Variants in DPY19L4 observed in about 807,000 individuals in gnomAD.
The protein encoded by DPY19L4 is probable C-mannosyltransferase DPY19L4.
A neutral mutation model predicts 102.8 loss-of-function variants in DPY19L4; 97 were observed. The ratio of observed to expected loss-of-function variants is 0.94; its 90% confidence interval spans 0.80 to 1.12. The LOEUF is 1.12. Ranked by LOEUF, DPY19L4 falls within the 50% of genes most tolerant of loss-of-function variation. The pLI is 0.00. For synonymous variants in DPY19L4, 252 were observed against 283.1 expected, an observed-to-expected ratio of 0.89 and a Z score of 1.10; for missense variants, 815 against 850.4, an observed-to-expected ratio of 0.96 and a Z score of 0.52.
At chr8:94,788,480 A>G (rs1387581949) in intron 18 of DPY19L4, among the ~76,000 whole-genome samples, 1 of 152,226 alleles carries the variant, frequency 6.6e-6, no homozygotes, top group Non-Finnish European at 1.5e-5. Flanking sequence ...TGCATGCTAA[A>G]TTAACACAGT....
chr8:94,758,279 T>C (rs1369970088), intron 7 of DPY19L4, among the ~76,000 whole-genome samples: 1 of 152,136 alleles, frequency 6.6e-6, no homozygotes, highest in Non-Finnish European at 1.5e-5. Context: ...CCCAGTAATA[T>C]CTTGCATGAC....
At chr8:94,766,588 T>A in intron 10 of DPY19L4, 24 bp from the exon 11 acceptor site, 1 of 1,607,920 alleles carries the variant, frequency 6.2e-7, no homozygotes, top group South Asian at 1.1e-5. Context: ...ATTTCTTTGT[T>A]TAACTGGTGT....
intron 2 of DPY19L4, among the ~76,000 whole-genome samples, chr8:94,728,720 G>A (rs533432914): frequency 1.6e-4 from 25 of 152,276 alleles, no homozygotes; most frequent in African/African-American, 5.5e-4. Context: ...ATCATTTTAG[G>A]TAATGAGATT....
intron 1 of DPY19L4, among the ~76,000 whole-genome samples, chr8:94,724,908 A>G (rs774977294): frequency 2.8e-4 from 43 of 152,094 alleles, no homozygotes; most frequent in Admixed American, 7.9e-4. Flanking sequence ...ATTTTAAAAT[A>G]TTTTCATTGA....
rs751462174 is a variant in DPY19L4 at position 94,789,811 on chromosome 8, A to T, written c.2073A>T (p.Lys691Asn). The change falls in exon 19 of 19, where the codon AAA (lysine) becomes AAT (asparagine). Residue 691 changes from lysine to asparagine, a missense_variant. Lys to Asn is a moderately conservative substitution (Grantham distance 94). Coordinates refer to ENST00000414645, the MANE Select transcript of DPY19L4 (RefSeq NM_181787.3). ...SKYGRFCHEV[K>N]INYSPYVNYF... is the part of the protein sequence containing the mutation. ...ATGGGCGATTTTGTCATGAGGTCAAAATTAACTATTCTCCATATGTGAATT... is the reference window on the plus strand; with the variant it reads ...ATGGGCGATTTTGTCATGAGGTCAATATTAACTATTCTCCATATGTGAATT... The T allele has an allele frequency of 1.2e-6, 2 of 1,612,304 alleles. No individual in the cohort carries two copies. Among genetic ancestry groups the T allele is most frequent in the Non-Finnish European group, 1.7e-6 (2 of 1,179,210 alleles).
chr8:94,721,055 T>G (rs1810437629), intron 1 of DPY19L4, among the ~76,000 whole-genome samples: 1 of 152,158 alleles, frequency 6.6e-6, no homozygotes, highest in Non-Finnish European at 1.5e-5. Flanking sequence ...CAAGCGATTC[T>G]CCTGCCTCAG....
chr8:94,742,315 G>A (rs1307648465), intron 6 of DPY19L4, among the ~76,000 whole-genome samples: 4 of 152,022 alleles, frequency 2.6e-5, no homozygotes, highest in East Asian at 1.9e-4. Flanking sequence ...CTGAGATCTC[G>A]CCACTGCACT....
At chr8:94,781,987 G>T (rs1485996055) in intron 16 of DPY19L4, among the ~76,000 whole-genome samples, 1 of 152,130 alleles carries the variant, frequency 6.6e-6, no homozygotes. Context: ...TTTCATAAAG[G>T]TAAGCTCTGA....
intron 14 of DPY19L4, among the ~76,000 whole-genome samples, chr8:94,779,127 G>A (rs1813315468): frequency 6.6e-6 from 1 of 151,558 alleles, no homozygotes; most frequent in Non-Finnish European, 1.5e-5. Context: ...AGAAGTAATT[G>A]AAGCTTCAAT....
chr8:94,785,014 C>T (rs1288693797), intron 17 of DPY19L4, among the ~76,000 whole-genome samples: 1 of 152,084 alleles, frequency 6.6e-6, no homozygotes, highest in South Asian at 2.1e-4. Flanking sequence ...TAGATAATTT[C>T]ATAGAGTTTT....
intron 1 of DPY19L4, among the ~76,000 whole-genome samples, chr8:94,723,163 C>G (rs953146185): frequency 1.3e-5 from 2 of 152,072 alleles, no homozygotes; most frequent in African/African-American, 2.4e-5. Flanking sequence ...CTTTACAATG[C>G]TAAAAATATC....
intron 7 of DPY19L4, 95 bp from the exon 8 acceptor site, chr8:94,761,605 C>T (rs993628850): frequency 1.3e-5 from 14 of 1,083,694 alleles, no homozygotes; most frequent in Middle Eastern, 3.3e-4. Flanking sequence ...TAAAGTTGAA[C>T]GAGTAACAGA....
intron 3 of DPY19L4, among the ~76,000 whole-genome samples, chr8:94,737,160 C>G (rs1811220895): frequency 6.6e-6 from 1 of 152,066 alleles, no homozygotes; most frequent in African/African-American, 2.4e-5. Context: ...AGGAGGGAGA[C>G]AGAAGATTGA....
rs116689498 is a variant in DPY19L4, at chr8:94,786,790, C to T, written c.1849-1104C>T. On this transcript the variant is annotated intron_variant, in intron 17 of 18. Coordinates refer to ENST00000414645, the MANE Select transcript of DPY19L4 (RefSeq NM_181787.3). ...CTCAAACTCCTGATCTCAAGTGATC[C>T]GCCTCCCTGGGTCTCCCAAAGTGCT... Among the ~76,000 whole-genome samples, 1,279 of 152,210 alleles carry T rather than the reference C, an allele frequency of 8.4e-3. 20 individuals carry two copies. The highest frequency in any genetic ancestry group is 0.029 in the African/African-American group (1,197 of 41,520).
intron 14 of DPY19L4, among the ~76,000 whole-genome samples, chr8:94,778,873 G>C (rs1457804676): frequency 6.6e-6 from 1 of 152,138 alleles, no homozygotes; most frequent in African/African-American, 2.4e-5. Context: ...TAAAGTGTGA[G>C]GTAGGTAGGG....
intron 6 of DPY19L4, among the ~76,000 whole-genome samples, chr8:94,755,042 C>G (rs539466654): frequency 6.6e-6 from 1 of 152,280 alleles, no homozygotes; most frequent in South Asian, 2.1e-4. Flanking sequence ...CCTGCCTCAG[C>G]CTCCCAAATT....
chr8:94,785,020 G>A (rs1813597441), intron 17 of DPY19L4, among the ~76,000 whole-genome samples: 1 of 152,176 alleles, frequency 6.6e-6, no homozygotes, highest in Non-Finnish European at 1.5e-5. Flanking sequence ...ATTTCATAGA[G>A]TTTTTAAGCA....
Position 94,781,181 on chromosome 8 carries a change from G to T in DPY19L4, c.1715+15G>T. On this transcript the variant is annotated intron_variant, in intron 16 of 18. Transcript: ENST00000414645. ...ACCTGGATAAAGTAAGGATTGAAGT[G>T]CCCAAGACTATTATTAAGCTATTAA... The T allele has an allele frequency of 6.5e-7, 1 of 1,549,024 alleles. No individual in the cohort carries two copies. Among genetic ancestry groups the T allele is most frequent in the Non-Finnish European group, 8.7e-7 (1 of 1,150,732 alleles).
intron 11 of DPY19L4, 58 bp from the exon 12 acceptor site, chr8:94,768,337 T>G: frequency 7.2e-7 from 1 of 1,390,552 alleles, no homozygotes; most frequent in African/African-American, 1.5e-5. Flanking sequence ...AAAAAAATAC[T>G]TCTGTGTTCA....
Sources: allele counts gnomAD v4.1 joint callset (sites outside exome capture counted in the v4.1 genomes callset), GRCh38; gene constraint gnomAD v4.1.1; transcripts MANE v1.5; gene names NCBI Gene and HGNC (gene_info 2026-07-23, HGNC 2026-07-21).